Variants in DLGAP2 observed in about 807,000 individuals in gnomAD.
DLGAP2 encodes disks large-associated protein 2.
A neutral mutation model predicts 100.3 loss-of-function variants in DLGAP2; 26 were observed. That is an observed-to-expected ratio of 0.26 (90% CI 0.19 to 0.36). The LOEUF is 0.36. Ranked by LOEUF, DLGAP2 falls within the 10% of genes least tolerant of loss-of-function variation. DLGAP2 has a pLI of 1.00. For missense variants in DLGAP2, 1,858 were observed against 1,453.2 expected (o/e 1.28, Z -4.53); for synonymous variants, 886 against 630.1 (o/e 1.41, Z -6.08).
intron 10 of DLGAP2, among the ~76,000 whole-genome samples, chr8:1,673,553 G>T (rs774481159): frequency 7.2e-5 from 11 of 152,164 alleles, no homozygotes; most frequent in Non-Finnish European, 1.6e-4. Context: ...CATCATATGC[G>T]TGTGCCTTTA....
chr8:808,564 C>G (rs1796310882), intron 1 of DLGAP2, among the ~76,000 whole-genome samples: 1 of 152,176 alleles, frequency 6.6e-6, no homozygotes, highest in Admixed American at 6.5e-5. Context: ...GGGTTGGTGC[C>G]TCTAGTGAGG....
rs1454585982 is a variant in DLGAP2 at position 1,678,288 on chromosome 8, G to A, written c.2363G>A (p.Gly788Asp). The A allele has an allele frequency of 6.2e-7, 1 of 1,613,562 alleles. No individual in the cohort carries two copies. The highest frequency in any genetic ancestry group is 1.1e-5 in the South Asian group (1 of 91,064). The change falls in exon 12 of 15, where the codon GGC becomes GAC. Residue 788 changes from glycine (G) to aspartate (D), a missense_variant. Transcript: ENST00000637795. ...QADLELEGFP[G>D]HITTEDKGLQ... is the part of the protein sequence containing the mutation. ...GACCTGGAGCTGGAGGGGTTCCCAGGCCACATCACCACGGAGGACAAAGGC... is the reference window on the plus strand; with the variant it reads ...GACCTGGAGCTGGAGGGGTTCCCAGACCACATCACCACGGAGGACAAAGGC...
At chr8:806,796 C>T (rs767366058) in intron 1 of DLGAP2, among the ~76,000 whole-genome samples, 36 of 152,194 alleles carry the variant, frequency 2.4e-4, no homozygotes, top group Non-Finnish European at 2.1e-4. Flanking sequence ...TGATGTCGCT[C>T]TTCTTATTAA....
chr8:1,568,931 C>T (rs1802539901), intron 6 of DLGAP2, among the ~76,000 whole-genome samples: 1 of 127,644 alleles, frequency 7.8e-6, no homozygotes, highest in South Asian at 3.3e-4. Context: ...AGACACAAAT[C>T]CACTCTGCCC....
At chr8:1,523,303 C>G (rs1800673456) in intron 4 of DLGAP2, among the ~76,000 whole-genome samples, 2 of 152,250 alleles carry the variant, frequency 1.3e-5, no homozygotes, top group South Asian at 4.1e-4. Flanking sequence ...GATGGAAGGA[C>G]CAAGACACAC....
At chr8:1,266,129 C>G (rs1249801152) in intron 3 of DLGAP2, among the ~76,000 whole-genome samples, 2 of 152,188 alleles carry the variant, frequency 1.3e-5, no homozygotes, top group Non-Finnish European at 2.9e-5. Context: ...AAAGCAGAGA[C>G]GCTCTGAAAG....
chr8:1,464,796 G>C (rs554467309), intron 3 of DLGAP2, among the ~76,000 whole-genome samples: 1 of 152,344 alleles, frequency 6.6e-6, no homozygotes, highest in South Asian at 2.1e-4. Flanking sequence ...CCGGGACGTA[G>C]AGAGGCCATC....
chr8:781,035 T>A (rs549559959), intron 1 of DLGAP2, among the ~76,000 whole-genome samples: 3 of 152,370 alleles, frequency 2.0e-5, no homozygotes, highest in African/African-American at 4.8e-5. Flanking sequence ...ATGCATTTTG[T>A]AGCTTTGTTT....
At position 1,390,579 on chromosome 8, in the gene DLGAP2, C is replaced by G. The variant is rs144398519; in HGVS notation, c.107-110787C>G. Among the ~76,000 whole-genome samples the G allele has an allele frequency of 1.3e-3, 191 of 152,216 alleles. 3 individuals are homozygous for G. The highest frequency in any genetic ancestry group is 4.3e-3 in the African/African-American group (177 of 41,538). The stretch of plus-strand genomic sequence containing the variant: ...CTGTATGCTTGCGGGCCTCTGGTCT[C>G]TGCGTGCCGCCTCCCTTGCCTGCTT... On this transcript the variant is annotated intron_variant, in intron 3 of 14. Transcript: ENST00000637795.
chr8:1,439,021 G>C (rs1299450602), intron 3 of DLGAP2, among the ~76,000 whole-genome samples: 1 of 152,172 alleles, frequency 6.6e-6, no homozygotes, highest in African/African-American at 2.4e-5. Flanking sequence ...GTTTTATGAA[G>C]CTTATGAAGA....
At chr8:1,368,182 A>C (rs571771101) in intron 3 of DLGAP2, among the ~76,000 whole-genome samples, 1 of 151,792 alleles carries the variant, frequency 6.6e-6, no homozygotes, top group African/African-American at 2.4e-5. Flanking sequence ...GTGTGTGTGT[A>C]TGTGCACGTG....
intron 2 of DLGAP2, among the ~76,000 whole-genome samples, chr8:973,779 GGCGAATCCGGAGC>G (rs1170501306): frequency 5.3e-5 from 8 of 151,984 alleles, no homozygotes; most frequent in South Asian, 2.1e-4. Flanking sequence ...GCTGAGCGGA[GGCGAATCCGGAGC>G]GCGAATCCGG....
intron 2 of DLGAP2, among the ~76,000 whole-genome samples, chr8:1,052,601 G>A (rs570325774): frequency 1.3e-4 from 20 of 152,232 alleles, no homozygotes; most frequent in South Asian, 4.1e-4. Flanking sequence ...CTTTGGCCTC[G>A]AAAGATGGCT....
chr8:1,151,800 T>G (rs1003913255), intron 2 of DLGAP2, among the ~76,000 whole-genome samples: 9 of 152,232 alleles, frequency 5.9e-5, no homozygotes, highest in African/African-American at 1.9e-4. Flanking sequence ...CTCTTTGTAC[T>G]GTTGCAGTCA....
At chr8:1,664,770 T>C (rs1036576206) in intron 8 of DLGAP2, among the ~76,000 whole-genome samples, 1 of 152,220 alleles carries the variant, frequency 6.6e-6, no homozygotes, top group Non-Finnish European at 1.5e-5. Flanking sequence ...TTTACGAAAG[T>C]CAGTCAGTGA....
At chr8:1,194,039 A>G (rs956010397) in intron 2 of DLGAP2, among the ~76,000 whole-genome samples, 5 of 152,156 alleles carry the variant, frequency 3.3e-5, no homozygotes, top group African/African-American at 1.2e-4. Flanking sequence ...AAATCCACGT[A>G]CTGTGACATT....
intron 3 of DLGAP2, 62 bp downstream of exon 3, chr8:1,258,945 G>A (rs1799285924): frequency 1.7e-6 from 2 of 1,201,714 alleles, no homozygotes; most frequent in Non-Finnish European, 2.1e-6. Context: ...GTGTGTGGCT[G>A]GCAACAGTCT....
chr8:1,418,398 G>A (rs962417617), intron 3 of DLGAP2, among the ~76,000 whole-genome samples: 7 of 152,104 alleles, frequency 4.6e-5, no homozygotes, highest in African/African-American at 1.7e-4. Flanking sequence ...CTAATTAATG[G>A]ATTTGATTCT....
chr8:1,537,779 AAG>A (rs1801206626), intron 4 of DLGAP2, among the ~76,000 whole-genome samples: 1 of 152,078 alleles, frequency 6.6e-6, no homozygotes, highest in Admixed American at 6.6e-5. Flanking sequence ...GGAAGGAAGG[AAG>A]GAAGGACAAA....
Sources: gnomAD v4.1 joint callset for allele counts (sites outside exome capture counted in the v4.1 genomes callset) on GRCh38, gnomAD v4.1.1 for gene constraint, MANE v1.5 for transcripts, NCBI Gene and HGNC (gene_info 2026-07-23, HGNC 2026-07-21) for gene names.